Variants in CD3G observed in about 807,000 individuals in gnomAD.
The protein encoded by CD3G is CD3 gamma subunit of T-cell receptor complex.
CD3G carries 24 observed loss-of-function variants against 28.3 expected under a neutral mutation model. That is an observed-to-expected ratio of 0.85 (90% CI 0.61 to 1.19). CD3G has a LOEUF of 1.19. CD3G is among the 50% of genes most tolerant of loss of function. The pLI, the probability that CD3G is intolerant of heterozygous loss-of-function variation, is 0.00. For synonymous variants in CD3G, 71 were observed against 75.9 expected (o/e 0.93, Z 0.34); for missense variants, 211 against 210.0 (o/e 1.00, Z -0.03).
intron 1 of CD3G, among the ~76,000 whole-genome samples, chr11:118,348,634 TC>T (rs1443947786): frequency 6.6e-6 from 1 of 152,162 alleles, no homozygotes; most frequent in African/African-American, 2.4e-5. Context: ...TAGGATCCCT[TC>T]CTGGGGCTGA....
In CD3G at chr11:118,345,999, T is replaced by C. The variant is rs748211815; in HGVS notation, c.55+1521T>C. ...TTGAGGAGCAACTCTCAAGCCTGGG[T>C]GAGGTGGCTGCATATCATGGAAAGA... On this transcript the variant is annotated intron_variant, in intron 1 of 6. Coordinates refer to ENST00000532917, the MANE Select transcript of CD3G (RefSeq NM_000073.3). Among the ~76,000 whole-genome samples the C allele has an allele frequency of 2.6e-5, 4 of 152,190 alleles. No homozygotes were observed. The South Asian group carries it at 6.3e-4, about 24-fold the overall frequency.
chr11:118,349,917 A>G lies in CD3G; in HGVS notation c.254A>G (p.Tyr85Cys). The change falls in exon 3 of 7, where the codon TAT becomes TGT. Residue 85 changes from tyrosine to cysteine, a missense_variant. Physicochemically the swap from Tyr to Cys is radical, Grantham distance 194. Coordinates refer to ENST00000532917, the MANE Select transcript of CD3G (RefSeq NM_000073.3). Reference sequence around the variant, plus strand: ...AATGCCAAGGACCCTCGAGGGATGTATCAGTGTAAAGGATCACAGAACAAG... The same window carrying G: ...AATGCCAAGGACCCTCGAGGGATGTGTCAGTGTAAAGGATCACAGAACAAG... ...GSNAKDPRGM[Y>C]QCKGSQNKSK... 1 of 1,614,192 alleles carries G rather than the reference A, an allele frequency of 6.2e-7. No individual in the cohort carries two copies. The highest frequency in any genetic ancestry group is 8.5e-7 in the Non-Finnish European group (1 of 1,180,038).
intron 6 of CD3G, among the ~76,000 whole-genome samples, chr11:118,352,771 T>C (rs753136912): frequency 2.6e-5 from 4 of 152,032 alleles, no homozygotes; most frequent in Non-Finnish European, 4.4e-5. Flanking sequence ...AATTTCTCAT[T>C]ATCTACACTA....
chr11:118,349,437 G>C, intron 2 of CD3G: 1 of 678,804 alleles, frequency 1.5e-6, no homozygotes, highest in South Asian at 2.0e-5. Flanking sequence ...TTTCTTACCT[G>C]TATAGTATCT....
intron 3 of CD3G, 25 bp from the exon 4 acceptor site, chr11:118,350,527 G>C: frequency 3.2e-6 from 5 of 1,578,546 alleles, no homozygotes; most frequent in Non-Finnish European, 4.4e-6. Flanking sequence ...GCAACCTGAA[G>C]GTTTGTCTCT....
In CD3G at chr11:118,349,886, G is replaced by A. The variant is rs1325306530; in HGVS notation, c.223G>A (p.Gly75Arg). ...LTEDKKKWNL[G>R]SNAKDPRGMY... ...TGAAGATAAAAAAAAATGGAATCTG[G>A]GAAGTAATGCCAAGGACCCTCGAGG... Residue 75 changes from glycine to arginine, a missense_variant, in exon 3 of 7, where the codon GGA becomes AGA. Transcript: ENST00000532917. The A allele has an allele frequency of 2.5e-6, 4 of 1,614,132 alleles. No individual in the cohort carries two copies. Among genetic ancestry groups the A allele is most frequent in the Middle Eastern group, 1.6e-4 (1 of 6,062 alleles).
intron 5 of CD3G, among the ~76,000 whole-genome samples, chr11:118,351,939 G>A (rs571249326): frequency 2.6e-4 from 40 of 152,090 alleles, no homozygotes; most frequent in African/African-American, 8.9e-4. Context: ...CTATAGACAG[G>A]CCATGGCTCA....
chr11:118,353,946 A>G lies in CD3G; in HGVS notation c.*846A>G, dbSNP rs901298971. The G allele has an allele frequency of 2.0e-5, 3 of 152,162 alleles. No homozygotes were observed. The highest frequency in any genetic ancestry group is 7.2e-5 in the African/African-American group (3 of 41,448). 9.4% of individuals were successfully genotyped at this position (152,162 alleles called of 1,614,324 possible). On this transcript the variant is annotated 3_prime_UTR_variant, in exon 7 of 7. Coordinates refer to ENST00000532917, the MANE Select transcript of CD3G (RefSeq NM_000073.3). ...TTTTAGACAAATGATATCAAACTAT[A>G]CATCTTGTGAGATTATTGCATACCA...
In CD3G at chr11:118,349,894, T is replaced by G. The variant is rs1267984932; in HGVS notation, c.231T>G (p.Asn77Lys). 6.2e-7 allele frequency: 1 copy of G among 1,614,078 alleles called. No individual in the cohort carries two copies. Among genetic ancestry groups the G allele is most frequent in the Non-Finnish European group, 8.5e-7 (1 of 1,179,996 alleles). ...EDKKKWNLGSNAKDPRGMYQC... is the reference protein window; with the variant it reads ...EDKKKWNLGSKAKDPRGMYQC... ...AAAAAAAATGGAATCTGGGAAGTAATGCCAAGGACCCTCGAGGGATGTATC... is the reference window on the plus strand; with the variant it reads ...AAAAAAAATGGAATCTGGGAAGTAAGGCCAAGGACCCTCGAGGGATGTATC... The change falls in exon 3 of 7, where the codon AAT becomes AAG. Residue 77 changes from asparagine (N) to lysine (K), a missense_variant. Transcript: ENST00000532917.
intron 1 of CD3G, among the ~76,000 whole-genome samples, chr11:118,345,709 G>GT (rs1340502235): frequency 1.3e-5 from 2 of 152,224 alleles, no homozygotes; most frequent in Non-Finnish European, 2.9e-5. Context: ...AGCACAGAGA[G>GT]GAAGGCAACG....
At position 118,354,582 on chromosome 11, in the gene CD3G, C is replaced by T. The variant is rs1169904563; in HGVS notation, c.*1482C>T. On this transcript the variant is annotated 3_prime_UTR_variant, in exon 7 of 7. Transcript: ENST00000532917. ...TTCCTGACCTCAGGCGATCCACCCG[C>T]CTTGACCTCCCAAAGTGCTGGGATT... 2.0e-5 allele frequency: 3 copies of T among 151,962 alleles called. No homozygotes were observed. The highest frequency in any genetic ancestry group is 4.4e-5 in the Non-Finnish European group (3 of 68,028). 9.4% of individuals were successfully genotyped at this position (151,962 alleles called of 1,614,324 possible).
chr11:118,350,981 G>T, intron 4 of CD3G: 2 of 658,816 alleles, frequency 3.0e-6, no homozygotes, highest in Non-Finnish European at 4.3e-6. Context: ...GAGGTCAGGA[G>T]ATCGAGACCA....
chr11:118,350,751 T>G (rs1948400432), intron 4 of CD3G, 68 bp downstream of exon 4: 1 of 1,611,288 alleles, frequency 6.2e-7, no homozygotes, highest in Admixed American at 1.7e-5. Context: ...TACCATTATG[T>G]ACCCAATGGA....
chr11:118,348,260 C>T (rs1948374087), intron 1 of CD3G, among the ~76,000 whole-genome samples: 1 of 152,184 alleles, frequency 6.6e-6, no homozygotes. Flanking sequence ...GTACCCCAGA[C>T]CACTCACATT....
rs558352269 is a variant in CD3G at position 118,345,677 on chromosome 11, C to T, written c.55+1199C>T. Among the ~76,000 whole-genome samples the T allele has an allele frequency of 3.3e-5, 5 of 152,130 alleles. No individual in the cohort carries two copies. In the South Asian group the frequency reaches 1.0e-3, roughly 32 times the overall value. ...GGTCCTGGAGTTGATGGTGGAAGGA[C>T]AGAGTCAAGAGTGGGGTCAAGAGCA... is the stretch of plus-strand genomic sequence containing the variant. On this transcript the variant is annotated intron_variant, in intron 1 of 6. Coordinates refer to ENST00000532917, the MANE Select transcript of CD3G (RefSeq NM_000073.3).
At chr11:118,351,145 C>A (rs568924220) in intron 4 of CD3G, among the ~76,000 whole-genome samples, 22 of 147,994 alleles carry the variant, frequency 1.5e-4, no homozygotes, top group African/African-American at 5.5e-4. Flanking sequence ...CGAGATCGTG[C>A]CACTGCACTC....
intron 4 of CD3G, 108 bp downstream of exon 4, chr11:118,350,791 T>C: frequency 6.3e-7 from 1 of 1,592,320 alleles, no homozygotes; most frequent in Non-Finnish European, 8.5e-7. Flanking sequence ...CTTGCTAGTG[T>C]GCATAGTTGG....
intron 2 of CD3G, 104 bp downstream of exon 2, chr11:118,349,154 A>AATGAC: frequency 6.2e-7 from 1 of 1,611,402 alleles, no homozygotes; most frequent in Non-Finnish European, 8.5e-7. Context: ...GAATGAATGA[A>AATGAC]ATGACGGGGA....
At position 118,349,022 on chromosome 11, in the gene CD3G, T is replaced by C. The variant is rs1248241886; in HGVS notation, c.56-5T>C. 6.2e-7 allele frequency: 1 copy of C among 1,614,160 alleles called. No individual in the cohort carries two copies. The highest frequency in any genetic ancestry group is 8.5e-7 in the Non-Finnish European group (1 of 1,179,980). On this transcript the variant is annotated splice_polypyrimidine_tract_variant and splice_region_variant and intron_variant, in intron 1 of 6. Coordinates refer to ENST00000532917, the MANE Select transcript of CD3G (RefSeq NM_000073.3). ...TAATACTCTATCTCTCTTCTGTCTT[T>C]ACAGGTACTTTGGCCCAGTCAATCA...
Sources: gnomAD v4.1 joint callset for allele counts (sites outside exome capture counted in the v4.1 genomes callset) on GRCh38, gnomAD v4.1.1 for gene constraint, MANE v1.5 for transcripts, NCBI Gene and HGNC (gene_info 2026-07-23, HGNC 2026-07-21) for gene names.